Variants in RAPGEF6 observed in about 807,000 individuals in gnomAD.
RAPGEF6 encodes PDZ domain containing guanine nucleotide exchange factor (GEF) 2.
Under a neutral mutation model 171.4 loss-of-function variants are expected in RAPGEF6, and 56 were observed. That is an observed-to-expected ratio of 0.33 (90% CI 0.26 to 0.41). RAPGEF6 has a LOEUF of 0.41. Among genes scored for constraint, RAPGEF6 ranks in the 10% least tolerant of loss-of-function variants. The pLI is 1.00. For missense variants in RAPGEF6, 1,674 were observed against 1,921.4 expected (o/e 0.87, Z 2.41); for synonymous variants, 692 against 650.1 (o/e 1.06, Z -0.98).
intron 13 of RAPGEF6, among the ~76,000 whole-genome samples, chr5:131,494,635 C>T (rs1756506845): frequency 6.6e-6 from 1 of 152,116 alleles, no homozygotes; most frequent in Non-Finnish European, 1.5e-5. Flanking sequence ...GGGTGAGGAA[C>T]TGCTTTGGTA....
At chr5:131,585,366 T>C (rs1763195903) in intron 4 of RAPGEF6, among the ~76,000 whole-genome samples, 1 of 151,012 alleles carries the variant, frequency 6.6e-6, no homozygotes, top group South Asian at 2.1e-4. Context: ...GAAAGCAAAG[T>C]ATCTTGAGCC....
In RAPGEF6 at chr5:131,508,268, C is replaced by T. The variant is rs572653616; in HGVS notation, c.806-61G>A. The T allele has an allele frequency of 5.5e-3, 7,926 of 1,429,920 alleles. 43 individuals are homozygous for T. Among genetic ancestry groups the T allele is most frequent in the South Asian group, 5.9e-3 (400 of 67,996 alleles). The allele number at this position is 1,429,920 out of a possible 1,614,324, so 88.6% of individuals were successfully genotyped here. On this transcript the variant is annotated intron_variant, in intron 8 of 27. Transcript: ENST00000509018. ...CGAGGACTATACCTTAAAAATACAA[C>T]GAAATCTAGAATTCAATTCCCAATT...
At chr5:131,506,817 A>T (rs767594833) in intron 9 of RAPGEF6, among the ~76,000 whole-genome samples, 4 of 152,036 alleles carry the variant, frequency 2.6e-5, no homozygotes, top group African/African-American at 7.2e-5. Context: ...GTTACTTAAA[A>T]TCCCACTCCA....
chr5:131,593,026 T>C (rs1161060382), intron 3 of RAPGEF6, among the ~76,000 whole-genome samples: 1 of 152,210 alleles, frequency 6.6e-6, no homozygotes, highest in East Asian at 1.9e-4. Context: ...CTATTTCAAG[T>C]AGTAAATGAA....
At chr5:131,474,372 A>G (rs1194227044) in intron 16 of RAPGEF6, among the ~76,000 whole-genome samples, 3 of 152,206 alleles carry the variant, frequency 2.0e-5, no homozygotes, top group Non-Finnish European at 4.4e-5. Context: ...AGGCTGAGGC[A>G]GGAGAATCGC....
chr5:131,433,420 T>C lies in RAPGEF6; in HGVS notation c.3974+10A>G, dbSNP rs767503710. 31 of 1,600,874 alleles carry C rather than the reference T, an allele frequency of 1.9e-5. No individual in the cohort carries two copies. The highest frequency in any genetic ancestry group is 2.7e-5 in the African/African-American group (2 of 74,580). On this transcript the variant is annotated intron_variant, in intron 25 of 27. Transcript: ENST00000509018. ...GGTTTTGTGTTATGAACACAGACAA[T>C]GATGCTTACCCAGGGCCATGTTGAC... is the stretch of plus-strand genomic sequence containing the variant.
At position 131,489,674 on chromosome 5, in the gene RAPGEF6, T is replaced by C. The variant is rs1234588922; in HGVS notation, c.1732-20A>G. ...CATAATCTTAAAAGTATTTAAAAAA[T>C]ACAAATTAATACAGAACAGTATTAG... is the stretch of plus-strand genomic sequence containing the variant. On this transcript the variant is annotated intron_variant, in intron 14 of 27. Coordinates refer to ENST00000509018, the MANE Select transcript of RAPGEF6 (RefSeq NM_016340.6). 7.7e-7 allele frequency: 1 copy of C among 1,307,116 alleles called. No individual in the cohort carries two copies. Among genetic ancestry groups the C allele is most frequent in the Non-Finnish European group, 1.1e-6 (1 of 933,610 alleles). 81.0% of individuals were successfully genotyped at this position (1,307,116 alleles called of 1,614,324 possible).
intron 26 of RAPGEF6, 44 bp from the exon 27 acceptor site, chr5:131,429,260 TG>T: frequency 7.0e-7 from 1 of 1,422,296 alleles, no homozygotes; most frequent in Non-Finnish European, 9.4e-7. Context: ...GAAAAAGAAA[TG>T]GAAAAAAAAA....
chr5:131,498,306 C>G (rs1388878192), intron 12 of RAPGEF6, 137 bp downstream of exon 12: 1 of 784,236 alleles, frequency 1.3e-6, no homozygotes, highest in Non-Finnish European at 2.0e-6. Context: ...AATGTTTATA[C>G]TGATGGTTCA....
intron 4 of RAPGEF6, among the ~76,000 whole-genome samples, chr5:131,586,501 C>T (rs375694763): frequency 3.3e-5 from 5 of 152,094 alleles, no homozygotes; most frequent in African/African-American, 4.8e-5. Context: ...CGTGGTGTCA[C>T]GCACCTGTGG....
chr5:131,579,376 G>A (rs1238161840), intron 4 of RAPGEF6, among the ~76,000 whole-genome samples: 3 of 152,212 alleles, frequency 2.0e-5, no homozygotes, highest in African/African-American at 7.2e-5. Flanking sequence ...CCTGCTGGCT[G>A]GCACAGCCTG....
intron 4 of RAPGEF6, among the ~76,000 whole-genome samples, chr5:131,582,419 T>C (rs546678489): frequency 1.4e-4 from 22 of 152,172 alleles, no homozygotes; most frequent in African/African-American, 5.3e-4. Context: ...GATCCACACC[T>C]CATATCATAT....
At chr5:131,509,360 G>A (rs1179840847) in intron 8 of RAPGEF6, among the ~76,000 whole-genome samples, 1 of 152,082 alleles carries the variant, frequency 6.6e-6, no homozygotes, top group South Asian at 2.1e-4. Flanking sequence ...TGGCTAACAC[G>A]TTGAAACCCC....
chr5:131,484,911 G>A (rs180782678), intron 15 of RAPGEF6, among the ~76,000 whole-genome samples: 19 of 152,194 alleles, frequency 1.2e-4, no homozygotes, highest in Admixed American at 1.1e-3. Flanking sequence ...AACTTAAAAA[G>A]ACAAGTTATC....
chr5:131,526,790 C>T (rs1354559490), intron 6 of RAPGEF6, among the ~76,000 whole-genome samples: 1 of 152,184 alleles, frequency 6.6e-6, no homozygotes, highest in Non-Finnish European at 1.5e-5. Context: ...TCATCCATTT[C>T]CTATATCTGA....
intron 6 of RAPGEF6, among the ~76,000 whole-genome samples, chr5:131,528,340 C>CATATATAT (rs1759126051): frequency 1.9e-5 from 2 of 103,206 alleles, no homozygotes; most frequent in Non-Finnish European, 3.4e-5. Context: ...TATATATATA[C>CATATATAT]ACACACACAC....
Position 131,461,817 on chromosome 5 carries a change from T to C in RAPGEF6, c.2752A>G (p.Ile918Val). ...NQETFWVASEILTEANQLKRM... is the reference protein window; with the variant it reads ...NQETFWVASEVLTEANQLKRM... ...TTGAGCTGATTTGCTTCAGTTAAAA[T>C]TTCTGAGGCAACCCAGAATGTCTCT... Residue 918 changes from isoleucine (I) to valine (V), a missense_variant, in exon 19 of 28, where the codon ATT (isoleucine) becomes GTT (valine). Physicochemically the swap from Ile to Val is conservative, Grantham distance 29. Around this residue, in one of 3 missense-constraint regions of RAPGEF6, gnomAD observed 1,116 missense variants for 1,321.5 expected, o/e 0.84. Transcript: ENST00000509018. 1 of 1,613,944 alleles carries C rather than the reference T, an allele frequency of 6.2e-7. No individual in the cohort carries two copies. The highest frequency in any genetic ancestry group is 8.5e-7 in the Non-Finnish European group (1 of 1,179,818).
intron 17 of RAPGEF6, chr5:131,472,028 A>G (rs1166253513): frequency 6.3e-6 from 1 of 157,772 alleles, no homozygotes; most frequent in Non-Finnish European, 1.4e-5. Context: ...TAGGATTACT[A>G]AAAGATACCT....
At chr5:131,579,144 G>C (rs773348085) in intron 4 of RAPGEF6, among the ~76,000 whole-genome samples, 7 of 151,952 alleles carry the variant, frequency 4.6e-5, no homozygotes, top group Admixed American at 2.0e-4. Context: ...CAGCTCTTAA[G>C]GCGGCACCTC....
Sources: gnomAD v4.1 joint callset for allele counts (sites outside exome capture counted in the v4.1 genomes callset) on GRCh38, gnomAD v4.1.1 for gene constraint, gnomAD v4.1.1 regional missense constraint, MANE v1.5 for transcripts, NCBI Gene and HGNC (gene_info 2026-07-23, HGNC 2026-07-21) for gene names.